PDE1A: variants seen among roughly 807,000 people sequenced by gnomAD.
PDE1A encodes dual specificity calcium/calmodulin-dependent 3',5'-cyclic nucleotide phosphodiesterase 1A.
PDE1A carries 35 observed loss-of-function variants against 61.7 expected under a neutral mutation model. That is an observed-to-expected ratio of 0.57 (90% CI 0.43 to 0.75). The LOEUF is 0.75. Among genes scored for constraint, PDE1A ranks in the 30% least tolerant of loss-of-function variants. The pLI is 0.00. For synonymous variants in PDE1A, 232 were observed against 213.2 expected, an observed-to-expected ratio of 1.09 and a Z score of -0.77; for missense variants, 597 against 630.6, an observed-to-expected ratio of 0.95 and a Z score of 0.57.
the PDE1A span, among the ~76,000 whole-genome samples, chr2:182,621,133 T>C: frequency 6.6e-6 from 1 of 152,132 alleles, no homozygotes. Flanking sequence ...CTCCGCCACA[T>C]CCCAAGACTC....
intron 2 of PDE1A, among the ~76,000 whole-genome samples, chr2:182,262,988 TG>T (rs34934382): frequency 3.3e-5 from 5 of 151,812 alleles, no homozygotes; most frequent in Non-Finnish European, 7.4e-5. Flanking sequence ...TGTGTGTGTG[TG>T]TGTATCTGCG....
chr2:182,281,448 C>G (rs573108876), intron 1 of PDE1A, among the ~76,000 whole-genome samples: 2 of 152,020 alleles, frequency 1.3e-5, no homozygotes, highest in East Asian at 3.9e-4. Context: ...AGTAAAATAG[C>G]TAAGTAATCT....
At chr2:182,660,386 T>C in the PDE1A span, among the ~76,000 whole-genome samples, 1 of 152,206 alleles carries the variant, frequency 6.6e-6, no homozygotes, top group Non-Finnish European at 1.5e-5. Flanking sequence ...AATCCTAAAA[T>C]GATCCCATTG....
At chr2:182,290,626 T>C (rs1694466136) in intron 1 of PDE1A, among the ~76,000 whole-genome samples, 1 of 152,036 alleles carries the variant, frequency 6.6e-6, no homozygotes, top group Admixed American at 6.6e-5. Flanking sequence ...ATGGCTTGTA[T>C]GCCTGTCACT....
the PDE1A span, among the ~76,000 whole-genome samples, chr2:182,562,383 C>A: frequency 1.4e-4 from 21 of 147,540 alleles, no homozygotes; most frequent in Non-Finnish European, 2.6e-4. Flanking sequence ...ATTGAACCTG[C>A]CTTGCATCCC....
At chr2:182,568,416 C>A in the PDE1A span, among the ~76,000 whole-genome samples, 2 of 152,166 alleles carry the variant, frequency 1.3e-5, no homozygotes, top group Non-Finnish European at 2.9e-5. Flanking sequence ...CGGTGGCTCA[C>A]GCCTGTAATC....
intron 2 of PDE1A, among the ~76,000 whole-genome samples, chr2:182,466,744 C>G (rs1042092051): frequency 3.9e-5 from 6 of 152,104 alleles, no homozygotes; most frequent in South Asian, 4.1e-4. Flanking sequence ...TTGACTGAAG[C>G]ATCCAAAAAG....
chr2:182,140,638 T>C (rs182053762), exon 15 of PDE1A: 81 of 152,300 alleles, frequency 5.3e-4, no homozygotes, highest in African/African-American at 1.9e-3. Flanking sequence ...GCAAGATATA[T>C]ATGTTGGGGA....
At chr2:182,624,124 C>CAAAAAA in the PDE1A span, among the ~76,000 whole-genome samples, 2 of 109,972 alleles carry the variant, frequency 1.8e-5, no homozygotes, top group African/African-American at 3.7e-5. Context: ...GACTCCGTCT[C>CAAAAAA]AAAAAAAAAA....
At chr2:182,641,019 C>CAA in the PDE1A span, among the ~76,000 whole-genome samples, 8 of 61,324 alleles carry the variant, frequency 1.3e-4, 1 homozygote, top group Non-Finnish European at 2.0e-4. Context: ...GACTCCATCT[C>CAA]AAAAAAAAAA....
chr2:182,287,734 G>T (rs536921109), intron 1 of PDE1A, among the ~76,000 whole-genome samples: 68 of 152,230 alleles, frequency 4.5e-4, no homozygotes, highest in Middle Eastern at 3.4e-3. Flanking sequence ...TATGCCTAAA[G>T]AACTGCTTAG....
chr2:182,648,569 T>G, the PDE1A span, among the ~76,000 whole-genome samples: 1 of 145,386 alleles, frequency 6.9e-6, no homozygotes, highest in Non-Finnish European at 1.5e-5. Flanking sequence ...GGTGCACTGG[T>G]GCATGCCTGG....
At chr2:182,236,148 T>C (rs189867048) in intron 3 of PDE1A, among the ~76,000 whole-genome samples, 2 of 152,330 alleles carry the variant, frequency 1.3e-5, no homozygotes, top group East Asian at 3.9e-4. Flanking sequence ...TAAATTATTT[T>C]TGGATGTGGG....
chr2:182,556,066 T>G, the PDE1A span, among the ~76,000 whole-genome samples: 3 of 147,120 alleles, frequency 2.0e-5, no homozygotes, highest in Non-Finnish European at 4.5e-5. Context: ...TGTGCATTGG[T>G]GAATTGAAGA....
At chr2:182,639,823 G>T in the PDE1A span, among the ~76,000 whole-genome samples, 1 of 149,784 alleles carries the variant, frequency 6.7e-6, no homozygotes, top group Non-Finnish European at 1.5e-5. Context: ...AATATATAAA[G>T]ATATCAATCA....
At chr2:182,555,318 G>T in the PDE1A span, among the ~76,000 whole-genome samples, 4 of 152,136 alleles carry the variant, frequency 2.6e-5, no homozygotes, top group African/African-American at 9.7e-5. Flanking sequence ...AAGATACTCC[G>T]AGCGTTTGAT....
chr2:182,159,418 T>G (rs1691259573), intron 13 of PDE1A, among the ~76,000 whole-genome samples: 1 of 152,202 alleles, frequency 6.6e-6, no homozygotes, highest in African/African-American at 2.4e-5. Context: ...GGATAAACTT[T>G]ATAGACTATC....
intron 13 of PDE1A, among the ~76,000 whole-genome samples, chr2:182,168,804 T>C (rs896490303): frequency 3.3e-5 from 5 of 152,098 alleles, no homozygotes; most frequent in African/African-American, 1.2e-4. Context: ...ACAGAAAATA[T>C]CTTTCTCTTA....
rs117167454 is a variant in PDE1A at position 182,269,535 on chromosome 2, T to C, written c.54-5121A>G. Among the ~76,000 whole-genome samples, 562 of 151,976 alleles carry C rather than the reference T, an allele frequency of 3.7e-3. 3 individuals carry two copies. The highest frequency in any genetic ancestry group is 0.031 in the East Asian group (159 of 5,170). On this transcript the variant is annotated intron_variant, in intron 1 of 13. Transcript: ENST00000351439. ...AAATAAAAAATAAAAAAATTAAGGA[T>C]GTAATAATATTTTATACATACTTTT...
Sources: allele counts gnomAD v4.1 joint callset (sites outside exome capture counted in the v4.1 genomes callset), GRCh38; gene constraint gnomAD v4.1.1; transcripts MANE v1.5; gene names NCBI Gene and HGNC (gene_info 2026-07-23, HGNC 2026-07-21).